Variants in NAV1 observed in about 807,000 individuals in gnomAD.
NAV1 encodes the protein neuron navigator 1.
A neutral mutation model predicts 175.2 loss-of-function variants in NAV1; 18 were observed. The observed-to-expected ratio is 0.10, with a 90% CI of 0.07 to 0.15. The LOEUF is 0.15. Among genes scored for constraint, NAV1 ranks in the 10% least tolerant of loss-of-function variants. NAV1 has a pLI of 1.00. For synonymous variants in NAV1, 897 were observed against 978.7 expected (o/e 0.92, Z 1.56); for missense variants, 1,731 against 2,436.6 (o/e 0.71, Z 6.10).
intron 1 of NAV1, among the ~76,000 whole-genome samples, chr1:201,583,505 A>G (rs529610255): frequency 2.0e-5 from 3 of 152,320 alleles, no homozygotes; most frequent in East Asian, 3.9e-4. Flanking sequence ...CCTGCTGGAG[A>G]TAGGAATCTC....
chr1:201,638,040 C>G (rs1668657246), intron 2 of NAV1, among the ~76,000 whole-genome samples: 4 of 152,082 alleles, frequency 2.6e-5, no homozygotes. Flanking sequence ...ACAGAGTACC[C>G]TAGATTAGGT....
At chr1:201,824,702 T>C (rs1679575142) in exon 30 of NAV1, 1 of 152,044 alleles carries the variant, frequency 6.6e-6, no homozygotes, top group Non-Finnish European at 1.5e-5. Flanking sequence ...CATGGAGAAT[T>C]TTCTGTGACA....
chr1:201,639,835 TG>T (rs929927326), intron 2 of NAV1, among the ~76,000 whole-genome samples: 1 of 152,198 alleles, frequency 6.6e-6, no homozygotes, highest in African/African-American at 2.4e-5. Flanking sequence ...CTTCAGGCTC[TG>T]GTCTTGTTTA....
chr1:201,593,026 T>C (rs1400988279), intron 2 of NAV1, among the ~76,000 whole-genome samples: 5 of 152,284 alleles, frequency 3.3e-5, no homozygotes, highest in African/African-American at 9.6e-5. Flanking sequence ...GAGGCTCCTA[T>C]CACCAAAGAT....
At chr1:201,681,253 T>A (rs970791909) in intron 1 of NAV1, among the ~76,000 whole-genome samples, 2 of 152,234 alleles carry the variant, frequency 1.3e-5, no homozygotes, top group African/African-American at 4.8e-5. Flanking sequence ...CCAAACCATC[T>A]GCCAGCATTT....
chr1:201,651,036 A>G (rs1669182588), intron 1 of NAV1, among the ~76,000 whole-genome samples: 2 of 152,056 alleles, frequency 1.3e-5, no homozygotes, highest in Admixed American at 1.3e-4. Flanking sequence ...GGCAGGCACC[A>G]AGGAGGGATA....
At chr1:201,567,414 C>G (rs552549125) in intron 1 of NAV1, among the ~76,000 whole-genome samples, 2 of 152,206 alleles carry the variant, frequency 1.3e-5, no homozygotes, top group Non-Finnish European at 2.9e-5. Context: ...GTGAAGTGCT[C>G]AAGAGGCTTG....
At chr1:201,658,726 T>G (rs1056165198) in intron 1 of NAV1, among the ~76,000 whole-genome samples, 1 of 152,266 alleles carries the variant, frequency 6.6e-6, no homozygotes, top group East Asian at 1.9e-4. Context: ...TGCCCGCTGG[T>G]CCTTGGAGAT....
chr1:201,600,871 T>C (rs1403921460), intron 2 of NAV1, among the ~76,000 whole-genome samples: 1 of 152,134 alleles, frequency 6.6e-6, no homozygotes, highest in East Asian at 1.9e-4. Flanking sequence ...GCTCTGGAAG[T>C]TTCATTTCCT....
chr1:201,546,123 T>A (rs970487028), intron 1 of NAV1, among the ~76,000 whole-genome samples: 1 of 152,178 alleles, frequency 6.6e-6, no homozygotes, highest in Admixed American at 6.5e-5. Context: ...CCAGGACCCA[T>A]ACGAAGCAGC....
intron 1 of NAV1, among the ~76,000 whole-genome samples, chr1:201,569,632 A>G (rs886915045): frequency 6.6e-6 from 1 of 152,202 alleles, no homozygotes; most frequent in Non-Finnish European, 1.5e-5. Context: ...GGGAAGGTAC[A>G]GTGATTCTGG....
chr1:201,634,749 T>C (rs1380966926), intron 2 of NAV1, among the ~76,000 whole-genome samples: 1 of 152,194 alleles, frequency 6.6e-6, no homozygotes, highest in Non-Finnish European at 1.5e-5. Flanking sequence ...GTGGCAAGAA[T>C]AGCAGAAGCT....
In NAV1 at chr1:201,719,113, A is replaced by G. The variant is rs565130644; in HGVS notation, c.1226+358A>G. On this transcript the variant is annotated intron_variant, in intron 3 of 29. Transcript: ENST00000367296. ...GCATTTTATTCCCAGCTCTTATGCGAACTCTGTGTAGACCCTGGACAACTA... is the reference window on the plus strand; with the variant it reads ...GCATTTTATTCCCAGCTCTTATGCGGACTCTGTGTAGACCCTGGACAACTA... 3.3e-5 allele frequency among the ~76,000 whole-genome samples: 5 copies of G among 151,658 alleles called. No individual in the cohort carries two copies. In the Middle Eastern group the frequency reaches 0.017, roughly 516 times the overall value.
chr1:201,786,768 A>G (rs1044943708), intron 9 of NAV1, among the ~76,000 whole-genome samples, 191 bp downstream of exon 13: 1 of 152,222 alleles, frequency 6.6e-6, no homozygotes, highest in African/African-American at 2.4e-5. Context: ...TAAACTGAAA[A>G]GTTGCCCCTA....
intron 3 of NAV1, among the ~76,000 whole-genome samples, chr1:201,742,343 G>A (rs1383189090): frequency 1.3e-5 from 2 of 152,148 alleles, no homozygotes; most frequent in African/African-American, 2.4e-5. Context: ...GACTTAATTG[G>A]CCCTCAGGTA....
intron 3 of NAV1, among the ~76,000 whole-genome samples, chr1:201,731,358 C>T (rs1005140122): frequency 1.3e-5 from 2 of 151,950 alleles, no homozygotes; most frequent in Admixed American, 6.6e-5. Flanking sequence ...AGGGGGTGTG[C>T]GGCAACCAGA....
chr1:201,736,904 T>C (rs1673136142), intron 3 of NAV1, among the ~76,000 whole-genome samples: 1 of 152,038 alleles, frequency 6.6e-6, no homozygotes, highest in Admixed American at 6.6e-5. Flanking sequence ...TCCTCTACCA[T>C]GTGTCCCTCC....
In NAV1 at chr1:201,782,594, G is replaced by A. The variant is rs1216467329; in HGVS notation, c.2082G>A (p.Val694=). Reference sequence around the variant, plus strand: ...GCGGGCGGGGTGGACCTCGCCCTGTGAGCAGCAGCATTGACCCCAGTCTCC... The same window carrying A: ...GCGGGCGGGGTGGACCTCGCCCTGTAAGCAGCAGCATTGACCCCAGTCTCC... The change falls in exon 6 of 30, where the codon GTG becomes GTA. Residue 694 remains valine (V), a synonymous_variant. Coordinates refer to ENST00000367296, the Ensembl canonical transcript of NAV1. This position sits in a 1 kb window ranked among gnomAD's most constrained non-coding sequence, Gnocchi z 5.4. 1.2e-6 allele frequency: 2 copies of A among 1,613,508 alleles called. No homozygotes were observed. Among genetic ancestry groups the A allele is most frequent in the South Asian group, 1.1e-5 (1 of 91,060 alleles).
chr1:201,663,330 A>T (rs1030391417), intron 1 of NAV1, among the ~76,000 whole-genome samples: 1 of 152,212 alleles, frequency 6.6e-6, no homozygotes, highest in African/African-American at 2.4e-5. Context: ...GAAGATTATC[A>T]AAGGGTAGCA....
Sources: gnomAD v4.1 joint callset for allele counts (sites outside exome capture counted in the v4.1 genomes callset) on GRCh38, gnomAD v4.1.1 for gene constraint, Gnocchi (gnomAD v3.1) non-coding constraint, MANE v1.5 for transcripts, NCBI Gene and HGNC (gene_info 2026-07-23, HGNC 2026-07-21) for gene names.